CGN: variants seen among roughly 807,000 people sequenced by gnomAD.
The protein encoded by CGN is cingulin.
A neutral mutation model predicts 157.1 loss-of-function variants in CGN; 121 were observed. The ratio of observed to expected loss-of-function variants is 0.77; its 90% CI spans 0.66 to 0.90. The LOEUF (loss-of-function observed/expected upper bound fraction) is 0.90. Ranked by LOEUF, CGN falls within the 40% of genes least tolerant of loss-of-function variation. The pLI, the probability that CGN is intolerant of heterozygous loss-of-function variation, is 0.00. For missense variants in CGN, 1,424 were observed against 1,520.9 expected (o/e 0.94, Z 1.06); for synonymous variants, 535 against 607.5 (o/e 0.88, Z 1.76).
rs759646732 is a variant in CGN at position 151,529,955 on chromosome 1, G to C, written c.2153G>C (p.Arg718Pro). 4 of 1,614,004 alleles carry C rather than the reference G, an allele frequency of 2.5e-6. No homozygotes were observed. The highest frequency in any genetic ancestry group is 3.4e-6 in the Non-Finnish European group (4 of 1,180,008). The change falls in exon 12 of 21, where the codon CGG (arginine) becomes CCG (proline). Residue 718 changes from arginine to proline, a missense_variant. Around this residue, in one of 3 missense-constraint regions of CGN, gnomAD observed 1,187 missense variants for 1,217.6 expected, o/e 0.97. Coordinates refer to ENST00000271636, the MANE Select transcript of CGN (RefSeq NM_020770.3). Reference sequence around the variant, plus strand: ...GAGGCAACAGTGCTGGGGCAGCGGCGGGCCGCAGTGGAGACGACGCTTCGG... The same window carrying C: ...GAGGCAACAGTGCTGGGGCAGCGGCCGGCCGCAGTGGAGACGACGCTTCGG... ...EAEATVLGQR[R>P]AAVETTLRET...
chr1:151,511,568 G>C lies in CGN; in HGVS notation c.-15+53G>C, dbSNP rs992404767. The C allele has an allele frequency of 6.5e-6, 1 of 154,422 alleles. No individual in the cohort carries two copies. Among genetic ancestry groups the C allele is most frequent in the Non-Finnish European group, 1.5e-5 (1 of 68,910 alleles). 9.6% of individuals were successfully genotyped at this position (154,422 alleles called of 1,614,324 possible). A position where few individuals can be genotyped will look rare whatever the true frequency, so the allele number is the denominator to read the frequency against. ...ACCCGAGAGGAAAGCGAGCCTTCAG[G>C]GGTACCTTTGAGGGGCAGGCATCGA... is the stretch of plus-strand genomic sequence containing the variant. On this transcript the variant is annotated intron_variant, in intron 1 of 20. Transcript: ENST00000271636. This position sits in a 1 kb window ranked among gnomAD's most constrained non-coding sequence, Gnocchi z 4.8.
At position 151,536,834 on chromosome 1, in the gene CGN, G is replaced by A. The variant is rs1455805428; in HGVS notation, c.3411G>A (p.Glu1137=). ...LRKKAQREVE[E]QHEVNEQLQA... is the part of the protein sequence containing the mutation. Reference sequence around the variant, plus strand: ...AGAAGGCCCAGCGTGAGGTGGAGGAGCAGCATGAGGTCAATGAACAGCTCC... The same window carrying A: ...AGAAGGCCCAGCGTGAGGTGGAGGAACAGCATGAGGTCAATGAACAGCTCC... Residue 1137 remains glutamate (E), a synonymous_variant, in exon 20 of 21, where the codon GAG becomes GAA. Transcript: ENST00000271636. The A allele has an allele frequency of 1.9e-6, 3 of 1,614,068 alleles. No individual in the cohort carries two copies. The highest frequency in any genetic ancestry group is 2.5e-6 in the Non-Finnish European group (3 of 1,180,046).
chr1:151,537,189 C>A lies in CGN; in HGVS notation c.3471-16C>A. The A allele has an allele frequency of 1.2e-6, 2 of 1,607,274 alleles. No homozygotes were observed. The highest frequency in any genetic ancestry group is 2.2e-5 in the East Asian group (1 of 44,822). On this transcript the variant is annotated splice_polypyrimidine_tract_variant and intron_variant, in intron 20 of 20. Coordinates refer to ENST00000271636, the MANE Select transcript of CGN (RefSeq NM_020770.3). ...TATTTTCCCCTCCCCAACCATTATT[C>A]TTCTCTCTGAGTCAGGCGCAAAGCT...
Position 151,538,113 on chromosome 1 carries a change from G to A in CGN, c.*767G>A, listed in dbSNP as rs1158450522. On this transcript the variant is annotated 3_prime_UTR_variant, in exon 21 of 21. Transcript: ENST00000271636. ...GGGGTTTCTCTGCCAATGACCCCTGGGAGAGGGACTTTGGTAGGGTCATGA... is the reference window on the plus strand; with the variant it reads ...GGGGTTTCTCTGCCAATGACCCCTGAGAGAGGGACTTTGGTAGGGTCATGA... 3 of 152,674 alleles carry A rather than the reference G, an allele frequency of 2.0e-5. No homozygotes were observed. Among genetic ancestry groups the A allele is most frequent in the Non-Finnish European group, 4.4e-5 (3 of 68,096 alleles). The allele number at this position is 152,674 out of a possible 1,614,324, so 9.5% of individuals were successfully genotyped here.
chr1:151,524,266 T>G lies in CGN; in HGVS notation c.1309T>G (p.Leu437Val), dbSNP rs1228964539. The G allele has an allele frequency of 5.0e-6, 8 of 1,614,168 alleles. No individual in the cohort carries two copies. The highest frequency in any genetic ancestry group is 1.1e-5 in the South Asian group (1 of 91,074). The change falls in exon 7 of 21, where the codon TTA becomes GTA. Residue 437 changes from leucine to valine, a missense_variant. This residue lies in a region of CGN where 1,187 missense variants were observed against 1,217.6 expected (regional missense o/e 0.97). Transcript: ENST00000271636. This position sits in a 1 kb window ranked among gnomAD's most constrained non-coding sequence, Gnocchi z 4.4. ...MKRLLDQGED[L>V]RHGLETQVME... is the part of the protein sequence containing the mutation. Reference sequence around the variant, plus strand: ...GCGCCTCTTGGACCAGGGTGAAGATTTACGACATGGGCTGGAGACCCAGGT... The same window carrying G: ...GCGCCTCTTGGACCAGGGTGAAGATGTACGACATGGGCTGGAGACCCAGGT...
chr1:151,533,867 A>C (rs868363422), intron 14 of CGN, 108 bp from the exon 15 acceptor site: 2 of 942,438 alleles, frequency 2.1e-6, no homozygotes, highest in Non-Finnish European at 3.1e-6. Context: ...GGTAATTCTA[A>C]AGAGTGACAG....
intron 10 of CGN, among the ~76,000 whole-genome samples, chr1:151,528,644 T>C (rs1275094705): frequency 1.3e-5 from 2 of 152,136 alleles, no homozygotes; most frequent in Non-Finnish European, 2.9e-5. Flanking sequence ...TTTGAACTCC[T>C]GACCTCAGGT....
intron 13 of CGN, among the ~76,000 whole-genome samples, chr1:151,531,140 TAAG>T (rs1664827348): frequency 2.7e-5 from 4 of 149,882 alleles, no homozygotes; most frequent in Non-Finnish European, 5.9e-5. Flanking sequence ...GACTCTGTCT[TAAG>T]AAAAAAAAAA....
chr1:151,511,565 C>G lies in CGN; in HGVS notation c.-15+50C>G, dbSNP rs1206551278. ...GGCACCCGAGAGGAAAGCGAGCCTT[C>G]AGGGGTACCTTTGAGGGGCAGGCAT... On this transcript the variant is annotated intron_variant, in intron 1 of 20. Coordinates refer to ENST00000271636, the MANE Select transcript of CGN (RefSeq NM_020770.3). The surrounding 1 kb of genome is among the most constrained non-coding windows in gnomAD (Gnocchi z 4.8). The G allele has an allele frequency of 6.5e-6, 1 of 153,870 alleles. No individual in the cohort carries two copies. Among genetic ancestry groups the G allele is most frequent in the Non-Finnish European group, 1.5e-5 (1 of 68,826 alleles). The allele number at this position is 153,870 out of a possible 1,614,324, so 9.5% of individuals were successfully genotyped here.
intron 1 of CGN, among the ~76,000 whole-genome samples, chr1:151,517,149 ACT>A (rs1664433572): frequency 6.6e-6 from 1 of 152,052 alleles, no homozygotes; most frequent in South Asian, 2.1e-4. Flanking sequence ...CAAGAGCAAA[ACT>A]CTGTCTCAAA....
chr1:151,525,429 A>G (rs1664649847), intron 8 of CGN, among the ~76,000 whole-genome samples: 2 of 152,218 alleles, frequency 1.3e-5, no homozygotes, highest in African/African-American at 4.8e-5. Flanking sequence ...AGGGGAAATA[A>G]CTGGGGAGGT....
rs781600131 is a variant in CGN at position 151,537,154 on chromosome 1, T to C, written c.3471-51T>C. On this transcript the variant is annotated intron_variant, in intron 20 of 20. Coordinates refer to ENST00000271636, the MANE Select transcript of CGN (RefSeq NM_020770.3). ...CCTTTGTACAAAAAGGGTGGCTGTCTTAATATTTCTATTTTCCCCTCCCCA... is the reference window on the plus strand; with the variant it reads ...CCTTTGTACAAAAAGGGTGGCTGTCCTAATATTTCTATTTTCCCCTCCCCA... The C allele has an allele frequency of 3.2e-6, 5 of 1,572,978 alleles. No homozygotes were observed. In the African/African-American group the frequency reaches 4.1e-5, roughly 13 times the overall value.
In CGN at chr1:151,518,602, G is replaced by A; in HGVS notation, c.83G>A (p.Ser28Asn). The A allele has an allele frequency of 6.2e-7, 1 of 1,614,192 alleles. No homozygotes were observed. The highest frequency in any genetic ancestry group is 8.5e-7 in the Non-Finnish European group (1 of 1,180,028). Residue 28 changes from serine (S) to asparagine (N), a missense_variant, in exon 2 of 21, where the codon AGT (serine) becomes AAT (asparagine). Around this residue, in one of 3 missense-constraint regions of CGN, gnomAD observed 1,187 missense variants for 1,217.6 expected, o/e 0.97. Transcript: ENST00000271636. ...ATTCGCTTCATCACAGAGCCAGTGA[G>A]TGGTGCAGAGATGGGCACTCTACGT... is the stretch of plus-strand genomic sequence containing the variant. ...VQIRFITEPVSGAEMGTLRRG... is the reference protein window; with the variant it reads ...VQIRFITEPVNGAEMGTLRRG...
Position 151,519,026 on chromosome 1 carries a change from C to T in CGN, c.507C>T (p.Thr169=), listed in dbSNP as rs1664477853. 1.2e-6 allele frequency: 2 copies of T among 1,614,068 alleles called. No individual in the cohort carries two copies. Among genetic ancestry groups the T allele is most frequent in the Non-Finnish European group, 1.7e-6 (2 of 1,180,050 alleles). The change falls in exon 2 of 21, where the codon ACC becomes ACT. Residue 169 remains threonine, a synonymous_variant. Transcript: ENST00000271636. Reference sequence around the variant, plus strand: ...CGAAAGTGGCTTCCCCAGGTAGCACCATTGACACTGCTCCCCTGTCTTCAG... The same window carrying T: ...CGAAAGTGGCTTCCCCAGGTAGCACTATTGACACTGCTCCCCTGTCTTCAG... ...LAPKVASPGS[T]IDTAPLSSVD... is the part of the protein sequence containing the mutation.
rs766558197 is a variant in CGN, at chr1:151,523,558, A to G, written c.1265A>G (p.Lys422Arg). The change falls in exon 6 of 21, where the codon AAG becomes AGG. Residue 422 changes from lysine (K) to arginine (R), a missense_variant. Physicochemically the swap from Lys to Arg is conservative, Grantham distance 26. This residue lies in a region of CGN where 1,187 missense variants were observed against 1,217.6 expected (regional missense o/e 0.97). Transcript: ENST00000271636. ...AAGGGGGAGGCCCAGCAGAGCAACA[A>G]GGAGTGAGTGCAGCTGGTGGCGCAC... is the stretch of plus-strand genomic sequence containing the variant. ...RRKGEAQQSN[K>R]ELQNMKRLLD... is the part of the protein sequence containing the mutation. The G allele has an allele frequency of 4.4e-6, 7 of 1,606,780 alleles. No individual in the cohort carries two copies. The highest frequency in any genetic ancestry group is 2.2e-5 in the East Asian group (1 of 44,748).
Position 151,524,948 on chromosome 1 carries a change from G to A in CGN, c.1614+62G>A. 1 of 1,426,156 alleles carries A rather than the reference G, an allele frequency of 7.0e-7. No individual in the cohort carries two copies. The highest frequency in any genetic ancestry group is 1.2e-5 in the South Asian group (1 of 82,494). The allele number at this position is 1,426,156 out of a possible 1,614,324, so 88.3% of individuals were successfully genotyped here. A position where few individuals can be genotyped will look rare whatever the true frequency, so the allele number is the denominator to read the frequency against. ...CTGCTGGAGAACAAGGCTGCCTTGG[G>A]ATCTTGGACTTTTGGACTTTTCATG... On this transcript the variant is annotated intron_variant, in intron 8 of 20. Transcript: ENST00000271636. This position sits in a 1 kb window ranked among gnomAD's most constrained non-coding sequence, Gnocchi z 4.4.
chr1:151,527,154 C>T, intron 10 of CGN, 47 bp downstream of exon 10: 1 of 1,609,668 alleles, frequency 6.2e-7, no homozygotes, highest in Non-Finnish European at 8.5e-7. Context: ...GTGATGAACA[C>T]CTGCCTTACC....
At chr1:151,530,341 T>C in intron 12 of CGN, 148 bp from the exon 13 acceptor site, 1 of 1,064,896 alleles carries the variant, frequency 9.4e-7, no homozygotes, top group African/African-American at 1.6e-5. Flanking sequence ...GCTTGCTCTA[T>C]GTGTCCTGAT....
chr1:151,530,093 G>A lies in CGN; in HGVS notation c.2291G>A (p.Arg764Gln), dbSNP rs764109702. 6.2e-6 allele frequency: 10 copies of A among 1,612,936 alleles called. No individual in the cohort carries two copies. The East Asian group carries it at 8.9e-5, about 14-fold the overall frequency. Residue 764 changes from arginine (R) to glutamine (Q), a missense_variant, in exon 12 of 21, where the codon CGG becomes CAG. Coordinates refer to ENST00000271636, the MANE Select transcript of CGN (RefSeq NM_020770.3). ...DGGEAVEARL[R>Q]DKLQRLEAEK... The stretch of plus-strand genomic sequence containing the variant: ...GGGGAAGCGGTGGAGGCACGACTAC[G>A]GGACAAGCTGCAGCGGCTGGAGGTC...
Sources: gnomAD v4.1 joint callset for allele counts (sites outside exome capture counted in the v4.1 genomes callset) on GRCh38, gnomAD v4.1.1 for gene constraint, gnomAD v4.1.1 regional missense constraint, Gnocchi (gnomAD v3.1) non-coding constraint, MANE v1.5 for transcripts, NCBI Gene and HGNC (gene_info 2026-07-23, HGNC 2026-07-21) for gene names.